Variants in MFAP1 observed in about 807,000 individuals in gnomAD.
MFAP1 encodes the protein microfibrillar-associated protein 1.
MFAP1 carries 18 observed loss-of-function variants against 62.2 expected under a neutral mutation model. That is an observed-to-expected ratio of 0.29 (90% CI 0.20 to 0.43). MFAP1 has a LOEUF of 0.43. MFAP1 is among the 20% of genes least tolerant of loss of function. The pLI, the probability that MFAP1 is intolerant of heterozygous loss-of-function variation, is 1.00. For missense variants in MFAP1, 355 were observed against 559.7 expected (o/e 0.63, Z 3.69); for synonymous variants, 175 against 180.4 (o/e 0.97, Z 0.24).
At chr15:43,814,441 G>A (rs1310678980) in intron 4 of MFAP1, 60 bp downstream of exon 4, 5 of 1,506,568 alleles carry the variant, frequency 3.3e-6, no homozygotes, top group East Asian at 2.3e-5. Flanking sequence ...ACAGACTTTT[G>A]TCTCCAGGCC....
chr15:43,814,207 G>C (rs2087420642), intron 4 of MFAP1, among the ~76,000 whole-genome samples: 1 of 152,150 alleles, frequency 6.6e-6, no homozygotes, highest in South Asian at 2.1e-4. Flanking sequence ...CCGAGATCAT[G>C]CCATTGCACT....
At chr15:43,805,501 A>T (rs749011888) in intron 7 of MFAP1, 36 bp from the exon 8 acceptor site, 24 of 1,550,496 alleles carry the variant, frequency 1.5e-5, no homozygotes, top group Non-Finnish European at 2.1e-5. Context: ...TTGTGGCTTT[A>T]TTTCCTATAT....
Position 43,819,616 on chromosome 15 carries a change from C to T in MFAP1, c.80-2168G>A, listed in dbSNP as rs186256679. 1.8e-3 allele frequency among the ~76,000 whole-genome samples: 277 copies of T among 152,220 alleles called. 1 individual carries two copies. The highest frequency in any genetic ancestry group is 0.01 in the Middle Eastern group (3 of 294). On this transcript the variant is annotated intron_variant, in intron 1 of 8. Transcript: ENST00000267812. ...CATGATCTCCGCTCACTGCAACCTCCGCCCCCTGGGTTCAAGCAATTCTCC... is the reference window on the plus strand; with the variant it reads ...CATGATCTCCGCTCACTGCAACCTCTGCCCCCTGGGTTCAAGCAATTCTCC...
chr15:43,815,325 G>A (rs1344979969), intron 2 of MFAP1, among the ~76,000 whole-genome samples: 1 of 151,826 alleles, frequency 6.6e-6, no homozygotes, highest in Admixed American at 6.6e-5. Flanking sequence ...GACTATAGGC[G>A]TGCCACCACA....
chr15:43,805,942 TCTC>T (rs79943648), intron 7 of MFAP1, among the ~76,000 whole-genome samples: 1 of 150,068 alleles, frequency 6.7e-6, no homozygotes, highest in African/African-American at 2.4e-5. Context: ...TTGTTGTATT[TCTC>T]CTTTTTTTTT....
rs2087425192 is a variant in MFAP1, at chr15:43,815,005, A to G, written c.369T>C (p.Asp123=). ...VGESDSEVEG[D]AWRMEREDSS... The stretch of plus-strand genomic sequence containing the variant: ...TGTCTTCTCGTTCCATGCGCCAAGC[A>G]TCTCCTTCTACTTCTGAGTCACTCT... Residue 123 remains aspartate, a synonymous_variant, in exon 3 of 9, where the codon GAT becomes GAC. Coordinates refer to ENST00000267812, the MANE Select transcript of MFAP1 (RefSeq NM_005926.3). 2 of 1,613,894 alleles carry G rather than the reference A, an allele frequency of 1.2e-6. No individual in the cohort carries two copies. The highest frequency in any genetic ancestry group is 4.5e-5 in the East Asian group (2 of 44,892).
intron 6 of MFAP1, among the ~76,000 whole-genome samples, chr15:43,812,688 T>A (rs1275549975): frequency 6.6e-6 from 1 of 152,218 alleles, no homozygotes; most frequent in African/African-American, 2.4e-5. Context: ...CAATTGTGGG[T>A]TGGGTTGTAC....
In MFAP1 at chr15:43,813,060, C is replaced by G. The variant is rs760050583; in HGVS notation, c.814G>C (p.Asp272His). 1.9e-6 allele frequency: 3 copies of G among 1,614,108 alleles called. No homozygotes were observed. The highest frequency in any genetic ancestry group is 2.7e-5 in the African/African-American group (2 of 74,942). ...LDALNTDDEN[D>H]EEEYEAWKVR... ...TTCCATGCCTCATATTCCTCCTCAT[C>G]ATTTTCATCATCAGTATTGAGTGCA... Residue 272 changes from aspartate (D) to histidine (H), a missense_variant, in exon 6 of 9, where the codon GAT (aspartate) becomes CAT (histidine). Around this residue, in one of 6 missense-constraint regions of MFAP1, gnomAD observed 257 missense variants for 341.3 expected, o/e 0.75. Coordinates refer to ENST00000267812, the MANE Select transcript of MFAP1 (RefSeq NM_005926.3).
chr15:43,807,435 G>A (rs1004079081), intron 7 of MFAP1, among the ~76,000 whole-genome samples: 16 of 149,534 alleles, frequency 1.1e-4, no homozygotes, highest in Non-Finnish European at 1.5e-4. Context: ...TGCAAGTTCC[G>A]CCTCCCAGGT....
At chr15:43,819,986 A>C (rs1007675113) in intron 1 of MFAP1, among the ~76,000 whole-genome samples, 1 of 152,226 alleles carries the variant, frequency 6.6e-6, no homozygotes, top group Admixed American at 6.5e-5. Flanking sequence ...TCTCCACTAA[A>C]AAGACAAAAA....
At chr15:43,810,821 A>T (rs1402492829) in intron 6 of MFAP1, among the ~76,000 whole-genome samples, 2 of 151,726 alleles carry the variant, frequency 1.3e-5, no homozygotes, top group Non-Finnish European at 2.9e-5. Context: ...CAGTGGCATG[A>T]TCTTGGCTCA....
In MFAP1 at chr15:43,824,528, C is replaced by A. The variant is rs1290888699; in HGVS notation, c.42G>T (p.Gln14His). 1 of 1,614,160 alleles carries A rather than the reference C, an allele frequency of 6.2e-7. No individual in the cohort carries two copies. Among genetic ancestry groups the A allele is most frequent in the Non-Finnish European group, 8.5e-7 (1 of 1,180,036 alleles). Reference sequence around the variant, plus strand: ...GAACTGGGACGGCCCCAGCCGTAGACTGAATGGGCGGTTGCTTCATGAGAG... The same window carrying A: ...GAACTGGGACGGCCCCAGCCGTAGAATGAATGGGCGGTTGCTTCATGAGAG... ...PSALMKQPPI[Q>H]STAGAVPVRN... Residue 14 changes from glutamine (Q) to histidine (H), a missense_variant, in exon 1 of 9, where the codon CAG becomes CAT. Physicochemically the swap from Gln to His is conservative, Grantham distance 24 (BLOSUM62 0). Coordinates refer to ENST00000267812, the MANE Select transcript of MFAP1 (RefSeq NM_005926.3).
chr15:43,813,087 C>G lies in MFAP1; in HGVS notation c.787G>C (p.Asp263His), dbSNP rs764969883. ...TTTTCATCATCAGTATTGAGTGCATCCAATGCAGCCAGGGATCGCTTGTTC... is the reference window on the plus strand; with the variant it reads ...TTTTCATCATCAGTATTGAGTGCATGCAATGCAGCCAGGGATCGCTTGTTC... The part of the protein sequence containing the change: ...EENKRSLAAL[D>H]ALNTDDENDE... Residue 263 changes from aspartate to histidine, a missense_variant, in exon 6 of 9, where the codon GAT becomes CAT. Transcript: ENST00000267812. The G allele has an allele frequency of 4.3e-6, 7 of 1,614,082 alleles. No individual in the cohort carries two copies. The highest frequency in any genetic ancestry group is 1.3e-5 in the African/African-American group (1 of 74,930).
At chr15:43,808,580 G>A (rs554917160) in intron 7 of MFAP1, among the ~76,000 whole-genome samples, 10 of 152,330 alleles carry the variant, frequency 6.6e-5, no homozygotes, top group Non-Finnish European at 1.0e-4. Flanking sequence ...TTAAAGCTGC[G>A]AACTGCTTAA....
chr15:43,812,276 T>G (rs145607999), intron 6 of MFAP1, among the ~76,000 whole-genome samples: 53 of 152,288 alleles, frequency 3.5e-4, no homozygotes, highest in Non-Finnish European at 7.4e-4. Context: ...TATGCCCCTT[T>G]TCAAAAAGTA....
intron 1 of MFAP1, among the ~76,000 whole-genome samples, chr15:43,819,682 C>T (rs1304037191): frequency 2.6e-5 from 4 of 152,136 alleles, no homozygotes; most frequent in African/African-American, 9.7e-5. Context: ...CAGGTGCCCA[C>T]CACCATGCCT....
intron 7 of MFAP1, among the ~76,000 whole-genome samples, chr15:43,807,332 CA>C (rs1231065481): frequency 1.0e-3 from 141 of 136,040 alleles, no homozygotes; most frequent in Admixed American, 2.9e-3. Context: ...GCCTAGGTGA[CA>C]AAAAAAAAAA....
At chr15:43,809,573 C>T (rs2087386610) in intron 7 of MFAP1, among the ~76,000 whole-genome samples, 182 bp downstream of exon 7, 1 of 151,760 alleles carries the variant, frequency 6.6e-6, no homozygotes, top group Admixed American at 6.6e-5. Flanking sequence ...GATGCTACTT[C>T]TGTCATCCAA....
chr15:43,817,618 G>A lies in MFAP1; in HGVS notation c.80-170C>T, dbSNP rs548307468. Among the ~76,000 whole-genome samples, 4 of 152,218 alleles carry A rather than the reference G, an allele frequency of 2.6e-5. No homozygotes were observed. In the South Asian group the frequency reaches 8.3e-4, roughly 32 times the overall value. On this transcript the variant is annotated intron_variant, in intron 1 of 8. Coordinates refer to ENST00000267812, the MANE Select transcript of MFAP1 (RefSeq NM_005926.3). The stretch of plus-strand genomic sequence containing the variant: ...TCTTCTAATGGTGTTTTCCTACAAA[G>A]GCCAAGTCATGAGACTGCATCCTTG...
Sources: allele counts gnomAD v4.1 joint callset (sites outside exome capture counted in the v4.1 genomes callset), GRCh38; gene constraint gnomAD v4.1.1; regional missense constraint gnomAD v4.1.1; transcripts MANE v1.5; gene names NCBI Gene and HGNC (gene_info 2026-07-23, HGNC 2026-07-21).